The following DENND3 variants were observed in gnomAD, a reference collection of about 807,000 sequenced individuals.
The protein encoded by DENND3 is DENN domain containing 3, also known as DENN domain-containing protein 3.
In DENND3, 88 loss-of-function variants were observed where a neutral mutation model predicts 135.1. The ratio of observed to expected loss-of-function variants is 0.65; its 90% confidence interval spans 0.55 to 0.78. The LOEUF (loss-of-function observed/expected upper bound fraction) is 0.78. Ranked by LOEUF, DENND3 falls within the 30% of genes least tolerant of loss-of-function variation. DENND3 has a pLI of 0.00. For synonymous variants in DENND3, 693 were observed against 712.3 expected (o/e 0.97, Z 0.43); for missense variants, 1,392 against 1,688.4 (o/e 0.82, Z 3.08).
At chr8:141,188,822 A>T in intron 18 of DENND3, 164 bp from the exon 19 acceptor site, 1 of 806,750 alleles carries the variant, frequency 1.2e-6, no homozygotes, top group Non-Finnish European at 1.9e-6. Flanking sequence ...TGATGGGTGG[A>T]TGACAACGTC....
At position 141,138,726 on chromosome 8, in the gene DENND3, A is replaced by G. The variant is rs1693522124; in HGVS notation, c.501+589A>G. 6.6e-6 allele frequency among the ~76,000 whole-genome samples: 1 copy of G among 152,114 alleles called. No homozygotes were observed. The highest frequency in any genetic ancestry group is 6.5e-5 in the Admixed American group (1 of 15,274). ...GTCTCTGGATGTATGTATTCTGGACACTTCGTGTAAGTGGACTCATACAGC... is the reference window on the plus strand; with the variant it reads ...GTCTCTGGATGTATGTATTCTGGACGCTTCGTGTAAGTGGACTCATACAGC... On this transcript the variant is annotated intron_variant, in intron 3 of 22. Transcript: ENST00000519811. This position sits in a 1 kb window ranked among gnomAD's most constrained non-coding sequence, Gnocchi z 4.8.
At chr8:141,150,402 A>G in intron 5 of DENND3, 1 of 1,034,976 alleles carries the variant, frequency 9.7e-7, no homozygotes, top group South Asian at 1.5e-5. Context: ...CATGTCTTGA[A>G]GGAGCTTTGA....
Position 141,189,052 on chromosome 8 carries a change from A to G in DENND3, c.3151A>G (p.Ile1051Val). ...CTCGGAAGACTCCGTCATCTACATCATCAACGTCCACAGCATGTCCTGCAA... is the reference window on the plus strand; with the variant it reads ...CTCGGAAGACTCCGTCATCTACATCGTCAACGTCCACAGCATGTCCTGCAA... ...VGSEDSVIYI[I>V]NVHSMSCNKQ... Residue 1051 changes from isoleucine (I) to valine (V), a missense_variant, in exon 19 of 23, where the codon ATC becomes GTC. Ile to Val is a conservative substitution (Grantham distance 29). Transcript: ENST00000519811. The G allele has an allele frequency of 3.1e-6, 5 of 1,614,188 alleles. No individual in the cohort carries two copies. The highest frequency in any genetic ancestry group is 2.2e-5 in the East Asian group (1 of 44,886).
Position 141,142,866 on chromosome 8 carries a change from G to C in DENND3, c.624-1282G>C, listed in dbSNP as rs1424395381. On this transcript the variant is annotated intron_variant, in intron 4 of 22. Coordinates refer to ENST00000519811, the MANE Select transcript of DENND3 (RefSeq NM_001352890.3). Reference sequence around the variant, plus strand: ...GGGTGGTCGCCAGACACATGCCCTTGGAAGACAGGAAGAAAGGAGGTGTTT... The same window carrying C: ...GGGTGGTCGCCAGACACATGCCCTTCGAAGACAGGAAGAAAGGAGGTGTTT... The C allele has an allele frequency of 3.2e-5, 5 of 157,626 alleles. No homozygotes were observed. The South Asian group carries it at 6.8e-4, about 22-fold the overall frequency. The allele number at this position is 157,626 out of a possible 1,614,324, so 9.8% of individuals were successfully genotyped here. A position where few individuals can be genotyped will look rare whatever the true frequency, so the allele number is the denominator to read the frequency against.
intron 17 of DENND3, among the ~76,000 whole-genome samples, chr8:141,181,482 A>T (rs1485513993): frequency 1.3e-5 from 2 of 152,224 alleles, no homozygotes; most frequent in Non-Finnish European, 2.9e-5. Flanking sequence ...AGCGGCCCTG[A>T]GTGCCTGCCA....
intron 17 of DENND3, among the ~76,000 whole-genome samples, chr8:141,181,764 A>AT (rs1326039094): frequency 6.7e-6 from 1 of 150,174 alleles, no homozygotes; most frequent in Non-Finnish European, 1.5e-5. Flanking sequence ...AAAGATTTGT[A>AT]TTTTTTGTGT....
rs1232215070 is a variant in DENND3 at position 141,137,253 on chromosome 8, T to C, written c.385+462T>C. Among the ~76,000 whole-genome samples the C allele has an allele frequency of 6.6e-6, 1 of 152,206 alleles. No homozygotes were observed. Among genetic ancestry groups the C allele is most frequent in the Non-Finnish European group, 1.5e-5 (1 of 68,036 alleles). ...CCTTAGCCTCCCAAAGTGCTGGGAT[T>C]ACAGGCGTGAGCCACCGTGCTCGAC... On this transcript the variant is annotated intron_variant, in intron 2 of 22. Coordinates refer to ENST00000519811, the MANE Select transcript of DENND3 (RefSeq NM_001352890.3). The surrounding 1 kb of genome is among the most constrained non-coding windows in gnomAD (Gnocchi z 4.1).
intron 8 of DENND3, among the ~76,000 whole-genome samples, chr8:141,159,390 GGGTCCA>G (rs1033552626): frequency 2.0e-5 from 3 of 152,192 alleles, no homozygotes; most frequent in African/African-American, 7.2e-5. Flanking sequence ...GGGCCGCACT[GGGTCCA>G]TCAAGTCCCC....
In DENND3 at chr8:141,128,944, A is replaced by G; in HGVS notation, c.102+135A>G. 1 of 643,742 alleles carries G rather than the reference A, an allele frequency of 1.6e-6. No homozygotes were observed. The highest frequency in any genetic ancestry group is 2.3e-6 in the Non-Finnish European group (1 of 433,162). 39.9% of individuals were successfully genotyped at this position (643,742 alleles called of 1,614,324 possible). A position where few individuals can be genotyped will look rare whatever the true frequency, so the allele number is the denominator to read the frequency against. ...GCTGAGTCCCGGTCCCCCGGCGGTG[A>G]CCCCGCGCGCCTGTGGCCGGGGATC... On this transcript the variant is annotated intron_variant, in intron 1 of 22. Coordinates refer to ENST00000519811, the MANE Select transcript of DENND3 (RefSeq NM_001352890.3). The surrounding 1 kb of genome is among the most constrained non-coding windows in gnomAD (Gnocchi z 4.5).
chr8:141,180,762 C>A lies in DENND3; in HGVS notation c.2852C>A (p.Pro951Gln), dbSNP rs564384072. 6.2e-7 allele frequency: 1 copy of A among 1,612,954 alleles called. No individual in the cohort carries two copies. The highest frequency in any genetic ancestry group is 8.5e-7 in the Non-Finnish European group (1 of 1,179,400). The change falls in exon 17 of 23, where the codon CCG (proline) becomes CAG (glutamine). Residue 951 changes from proline to glutamine, a missense_variant. Physicochemically the swap from Pro to Gln is moderately conservative, Grantham distance 76. Coordinates refer to ENST00000519811, the MANE Select transcript of DENND3 (RefSeq NM_001352890.3). The stretch of plus-strand genomic sequence containing the variant: ...TGTCTTTCAGTGCCCATGACGCTTC[C>A]GGAGACAACCCTGGAAACACTGAAG... ...KMSNEMPMTL[P>Q]ETTLETLKHK... is the part of the protein sequence containing the mutation.
intron 8 of DENND3, chr8:141,158,071 T>G (rs1255260233): frequency 1.8e-5 from 22 of 1,223,740 alleles, no homozygotes; most frequent in Non-Finnish European, 2.3e-5. Flanking sequence ...GAGAACTACC[T>G]TTATTATTGT....
At chr8:141,133,127 C>G (rs917355923) in intron 1 of DENND3, among the ~76,000 whole-genome samples, 1 of 152,040 alleles carries the variant, frequency 6.6e-6, no homozygotes, top group African/African-American at 2.4e-5. Context: ...CTGCAGTGAG[C>G]GTGGGGGGTG....
intron 1 of DENND3, among the ~76,000 whole-genome samples, chr8:141,133,284 C>T (rs1014879578): frequency 6.6e-5 from 10 of 151,276 alleles, no homozygotes; most frequent in Admixed American, 2.6e-4. Context: ...GCTTAGGGAG[C>T]GAGCTGGCCT....
In DENND3 at chr8:141,138,225, A is replaced by G. The variant is rs953411275; in HGVS notation, c.501+88A>G. On this transcript the variant is annotated intron_variant, in intron 3 of 22. Coordinates refer to ENST00000519811, the MANE Select transcript of DENND3 (RefSeq NM_001352890.3). The surrounding 1 kb of genome is among the most constrained non-coding windows in gnomAD (Gnocchi z 4.8). ...ACATAACACAACATTCACCATTCTAACCATTTTAAAGTGTGCAGTTCCGTA... is the reference window on the plus strand; with the variant it reads ...ACATAACACAACATTCACCATTCTAGCCATTTTAAAGTGTGCAGTTCCGTA... 3 of 1,359,190 alleles carry G rather than the reference A, an allele frequency of 2.2e-6. No homozygotes were observed. Among genetic ancestry groups the G allele is most frequent in the African/African-American group, 2.9e-5 (2 of 69,284 alleles). 84.2% of individuals were successfully genotyped at this position (1,359,190 alleles called of 1,614,324 possible).
At chr8:141,163,907 CAAAAAAAAA>C (rs1157176340) in intron 10 of DENND3, among the ~76,000 whole-genome samples, 1 of 55,910 alleles carries the variant, frequency 1.8e-5, no homozygotes, top group Non-Finnish European at 4.2e-5. Flanking sequence ...GACTCCGTCT[CAAAAAAAAA>C]AAAAAAAAAA....
chr8:141,193,610 A>C, intron 22 of DENND3: 2 of 164,974 alleles, frequency 1.2e-5, no homozygotes, highest in Non-Finnish European at 1.3e-5. Flanking sequence ...GTGGGGCGGA[A>C]TTCGTTTAGT....
rs1343086485 is a variant in DENND3, at chr8:141,139,019, G to A, written c.501+882G>A. ...GTTGTCTGGGTAGGGCCGTGTGTGT[G>A]AATCAGTGGGCCTTTGGGGAACTCG... On this transcript the variant is annotated intron_variant, in intron 3 of 22. Transcript: ENST00000519811. The surrounding 1 kb of genome is among the most constrained non-coding windows in gnomAD (Gnocchi z 4.2). Among the ~76,000 whole-genome samples the A allele has an allele frequency of 6.6e-6, 1 of 152,200 alleles. No individual in the cohort carries two copies.
Position 141,139,926 on chromosome 8 carries a change from T to C in DENND3, c.502-1277T>C, listed in dbSNP as rs80209629. On this transcript the variant is annotated intron_variant, in intron 3 of 22. Transcript: ENST00000519811. This position sits in a 1 kb window ranked among gnomAD's most constrained non-coding sequence, Gnocchi z 4.2. ...TCGTTTTTTTCTTTCTTTTTTTTTT[T>C]TGAGACAGTCTCGCTGTGTCACCCA... Among the ~76,000 whole-genome samples, 1 of 152,040 alleles carries C rather than the reference T, an allele frequency of 6.6e-6. No individual in the cohort carries two copies.
At position 141,138,024 on chromosome 8, in the gene DENND3, G is replaced by T. The variant is rs1187787938; in HGVS notation, c.388G>T (p.Gly130Cys). The stretch of plus-strand genomic sequence containing the variant: ...TCTCTGTCTCTTTCTGCCTGCAGGG[G>T]GTGTGTGCGTGGCCACTGAACCTAA... ...LTLPQLCFPG[G>C]VCVATEPKED... The change falls in exon 3 of 23, where the codon GGT becomes TGT. Residue 130 changes from glycine (G) to cysteine (C), a missense_variant and splice_region_variant. Coordinates refer to ENST00000519811, the MANE Select transcript of DENND3 (RefSeq NM_001352890.3). This position sits in a 1 kb window ranked among gnomAD's most constrained non-coding sequence, Gnocchi z 4.8. 2 of 1,596,210 alleles carry T rather than the reference G, an allele frequency of 1.3e-6. No homozygotes were observed. Among genetic ancestry groups the T allele is most frequent in the African/African-American group, 2.7e-5 (2 of 74,642 alleles).
Sources: allele counts gnomAD v4.1 joint callset (sites outside exome capture counted in the v4.1 genomes callset), GRCh38; gene constraint gnomAD v4.1.1; non-coding constraint Gnocchi (gnomAD v3.1); transcripts MANE v1.5; gene names NCBI Gene and HGNC (gene_info 2026-07-23, HGNC 2026-07-21).